LAP3: variants seen among roughly 807,000 people sequenced by gnomAD.
LAP3 encodes the protein leucine aminopeptidase 3, also known as cytosol aminopeptidase.
In LAP3, 46 loss-of-function variants were observed where a neutral mutation model predicts 58.8. That is an observed-to-expected ratio of 0.78 (90% CI 0.62 to 1.00). The LOEUF (loss-of-function observed/expected upper bound fraction) is 1.00. Ranked by LOEUF, LAP3 falls within the 50% of genes least tolerant of loss-of-function variation. LAP3 has a pLI of 0.00. For missense variants in LAP3, 615 were observed against 659.1 expected (o/e 0.93, Z 0.73); for synonymous variants, 257 against 237.7 (o/e 1.08, Z -0.75).
chr4:17,582,064 C>T (rs1284840125), intron 3 of LAP3: 2 of 593,114 alleles, frequency 3.4e-6, no homozygotes, highest in African/African-American at 3.7e-5. Flanking sequence ...GCAAGAGTAT[C>T]CTCACTTACT....
At position 17,584,955 on chromosome 4, in the gene LAP3, T is replaced by TA; in HGVS notation, c.540-16dup. 5 of 1,611,888 alleles carry TA rather than the reference T, an allele frequency of 3.1e-6. No individual in the cohort carries two copies. The highest frequency in any genetic ancestry group is 4.2e-6 in the Non-Finnish European group (5 of 1,178,844). ...TTGAGAGGTTGTTTGACAGTCACTT[T>TA]ATCTTTCTTCTGCCAGTGGGGATCA... On this transcript the variant is annotated splice_polypyrimidine_tract_variant and intron_variant, in intron 5 of 12. Coordinates refer to ENST00000226299, the MANE Select transcript of LAP3 (RefSeq NM_015907.3).
chr4:17,606,741 T>A, intron 11 of LAP3, 88 bp from the exon 12 acceptor site: 5 of 759,932 alleles, frequency 6.6e-6, no homozygotes, highest in Non-Finnish European at 1.1e-5. Flanking sequence ...TTAGAACAAC[T>A]CTTCCTTCAT....
Position 17,607,692 on chromosome 4 carries a change from G to T in LAP3, c.*103G>T. 1.1e-6 allele frequency: 1 copy of T among 871,942 alleles called. No homozygotes were observed. Among genetic ancestry groups the T allele is most frequent in the East Asian group, 2.8e-5 (1 of 35,578 alleles). The allele number at this position is 871,942 out of a possible 1,614,324, so 54.0% of individuals were successfully genotyped here. On this transcript the variant is annotated 3_prime_UTR_variant, in exon 13 of 13. Coordinates refer to ENST00000226299, the MANE Select transcript of LAP3 (RefSeq NM_015907.3). ...AAATCTTTTAACGGAGACAAAGGAT[G>T]GTATTTAAAAATGTAGAACACAATG...
At chr4:17,598,611 A>G (rs772600394) in intron 10 of LAP3, 53 bp downstream of exon 10, 15 of 1,303,394 alleles carry the variant, frequency 1.2e-5, no homozygotes, top group Admixed American at 5.1e-5. Flanking sequence ...TGTTCGTTGC[A>G]TGGATTTCAC....
intron 10 of LAP3, among the ~76,000 whole-genome samples, chr4:17,598,985 G>A (rs1020042872): frequency 6.6e-6 from 1 of 152,050 alleles, no homozygotes; most frequent in African/African-American, 2.4e-5. Flanking sequence ...TGATCCACCC[G>A]CCTCAGCCTC....
chr4:17,595,566 G>A (rs772661716), intron 8 of LAP3, 32 bp downstream of exon 8: 9 of 1,604,770 alleles, frequency 5.6e-6, no homozygotes, highest in East Asian at 2.2e-5. Context: ...ATCTCATAAC[G>A]CTTCTGGATT....
chr4:17,577,235 C>CGAATGCGGGCGCACAT lies in LAP3; in HGVS notation c.-217_-216insATGAATGCGGGCGCAC. 2.7e-6 allele frequency: 1 copy of CGAATGCGGGCGCACAT among 376,798 alleles called. No individual in the cohort carries two copies. Among genetic ancestry groups the CGAATGCGGGCGCACAT allele is most frequent in the Non-Finnish European group, 4.7e-6 (1 of 211,944 alleles). 23.3% of individuals were successfully genotyped at this position (376,798 alleles called of 1,614,324 possible). A position where few individuals can be genotyped will look rare whatever the true frequency, so the allele number is the denominator to read the frequency against. ...GGGCGCACACGAATGCGGGCGCACA[C>CGAATGCGGGCGCACAT]GAATGCGGGCGCACCCTTGAGTCCC... On this transcript the variant is annotated 5_prime_UTR_variant, in exon 1 of 13. It adds an upstream start codon to the 5' untranslated region. Coordinates refer to ENST00000226299, the MANE Select transcript of LAP3 (RefSeq NM_015907.3).
chr4:17,596,138 C>T (rs941901475), intron 8 of LAP3, among the ~76,000 whole-genome samples: 3 of 152,030 alleles, frequency 2.0e-5, no homozygotes, highest in African/African-American at 7.2e-5. Context: ...GACATGCCCC[C>T]CTCCTTCACT....
rs1049764460 is a variant in LAP3 at position 17,604,772 on chromosome 4, C to T, written c.1260+105C>T. On this transcript the variant is annotated intron_variant, in intron 11 of 12. Transcript: ENST00000226299. ...CCCTGTGTTAAAGTGATTTTTATGC[C>T]GCAGGTTTGCCTTTGAATTGAAAAT... 73 of 854,084 alleles carry T rather than the reference C, an allele frequency of 8.5e-5. No individual in the cohort carries two copies. In the East Asian group the frequency reaches 8.8e-4, roughly 10 times the overall value. 52.9% of individuals were successfully genotyped at this position (854,084 alleles called of 1,614,324 possible).
chr4:17,585,260 T>A, intron 6 of LAP3, 124 bp downstream of exon 6: 1 of 744,016 alleles, frequency 1.3e-6, no homozygotes, highest in South Asian at 1.8e-5. Flanking sequence ...GATGACCCAC[T>A]TGGGTCCACA....
intron 10 of LAP3, among the ~76,000 whole-genome samples, chr4:17,599,458 C>T (rs1252947008): frequency 1.3e-5 from 2 of 152,192 alleles, no homozygotes; most frequent in Non-Finnish European, 2.9e-5. Context: ...ATTGCTTAAA[C>T]CCCAGAGGTG....
intron 10 of LAP3, among the ~76,000 whole-genome samples, chr4:17,601,064 A>T (rs1013579617): frequency 5.9e-5 from 9 of 152,338 alleles, no homozygotes; most frequent in African/African-American, 2.2e-4. Context: ...GGCCATATCC[A>T]ATCACAGTGT....
chr4:17,585,922 C>T (rs1247529774), intron 6 of LAP3: 1 of 152,228 alleles, frequency 6.6e-6, no homozygotes, highest in African/African-American at 2.4e-5. Flanking sequence ...ATTGCTGAAT[C>T]AAATCGTAGT....
In LAP3 at chr4:17,577,573, AGGC is replaced by A; in HGVS notation, c.102+13_102+15del. On this transcript the variant is annotated splice_region_variant and intron_variant, in intron 1 of 12. Transcript: ENST00000226299. ...CCACCGCAGACATGACGAAGGTGAG[AGGC>A]GGCGGCTCGCTCATGGTCCGCCGCT... 6.5e-7 allele frequency: 1 copy of A among 1,538,740 alleles called. No individual in the cohort carries two copies. The highest frequency in any genetic ancestry group is 8.8e-7 in the Non-Finnish European group (1 of 1,141,474).
Position 17,607,495 on chromosome 4 carries a change from A to G in LAP3, c.1466A>G (p.Lys489Arg). The change falls in exon 13 of 13, where the codon AAA (lysine) becomes AGA (arginine). Residue 489 changes from lysine to arginine, a missense_variant. Physicochemically the swap from Lys to Arg is conservative, Grantham distance 26. Coordinates refer to ENST00000226299, the MANE Select transcript of LAP3 (RefSeq NM_015907.3). ...GACATAGCAGGCGTGATGACCAACA[A>G]AGATGAAGTTCCCTATCTACGGAAA... Reference protein sequence around the residue: ...HLDIAGVMTNKDEVPYLRKGM... With the variant: ...HLDIAGVMTNRDEVPYLRKGM... 6.2e-7 allele frequency: 1 copy of G among 1,614,166 alleles called. No individual in the cohort carries two copies. Among genetic ancestry groups the G allele is most frequent in the South Asian group, 1.1e-5 (1 of 91,082 alleles).
At chr4:17,581,377 A>G (rs729813) in intron 2 of LAP3, among the ~76,000 whole-genome samples, 2,552 of 152,304 alleles carry the variant, frequency 0.017, 85 homozygotes, top group African/African-American at 0.058. Flanking sequence ...GTTAGATCTA[A>G]TCTGAAAGTT....
chr4:17,583,730 C>T, intron 5 of LAP3, 88 bp downstream of exon 5: 2 of 1,442,992 alleles, frequency 1.4e-6, no homozygotes, highest in Middle Eastern at 1.8e-4. Context: ...CTTTTCAGCG[C>T]CACCCACAGC....
intron 7 of LAP3, among the ~76,000 whole-genome samples, chr4:17,590,820 T>G (rs1362691821): frequency 6.6e-6 from 1 of 151,818 alleles, no homozygotes; most frequent in East Asian, 1.9e-4. Context: ...TCTGCCCGCC[T>G]CGGTCTCCTG....
At chr4:17,605,193 A>C (rs967132433) in intron 11 of LAP3, among the ~76,000 whole-genome samples, 4 of 151,728 alleles carry the variant, frequency 2.6e-5, no homozygotes, top group African/African-American at 9.7e-5. Context: ...CACCACTGTT[A>C]GCCTAACTCA....
Sources: allele counts gnomAD v4.1 joint callset (sites outside exome capture counted in the v4.1 genomes callset), GRCh38; gene constraint gnomAD v4.1.1; transcripts MANE v1.5; gene names NCBI Gene and HGNC (gene_info 2026-07-23, HGNC 2026-07-21).